The following PCSK5 variants were observed in gnomAD, a reference collection of about 807,000 sequenced individuals.
PCSK5 encodes proprotein convertase subtilisin/kexin type 5.
PCSK5 carries 129 observed loss-of-function variants against 233.2 expected under a neutral mutation model. The observed-to-expected ratio is 0.55, with a 90% CI of 0.48 to 0.64. PCSK5 has a LOEUF of 0.64. Ranked by LOEUF, PCSK5 falls within the 30% of genes least tolerant of loss-of-function variation. The pLI, the probability that PCSK5 is intolerant of heterozygous loss-of-function variation, is 0.00. For missense variants in PCSK5, 2,076 were observed against 2,430.1 expected (o/e 0.85, Z 3.06); for synonymous variants, 825 against 879.2 (o/e 0.94, Z 1.09).
Position 76,051,103 on chromosome 9 carries a change from C to A in PCSK5, c.633-16852C>A, listed in dbSNP as rs534344187. Among the ~76,000 whole-genome samples, 5 of 152,314 alleles carry A rather than the reference C, an allele frequency of 3.3e-5. No homozygotes were observed. The East Asian group carries it at 9.7e-4, about 29-fold the overall frequency. ...CCTCAGAAGCCCAATGCTAAGACTT[C>A]ATCATTTATCTGTAGTCCTGGTCAC... On this transcript the variant is annotated intron_variant, in intron 5 of 37. Transcript: ENST00000674117.
At chr9:76,065,771 G>A (rs1332672574) in intron 5 of PCSK5, among the ~76,000 whole-genome samples, 2 of 151,964 alleles carry the variant, frequency 1.3e-5, no homozygotes, top group African/African-American at 4.8e-5. Context: ...TTTCCTTCTA[G>A]TAGTTTCATA....
chr9:76,086,910 TC>T (rs1221985515), intron 7 of PCSK5, among the ~76,000 whole-genome samples: 18 of 152,342 alleles, frequency 1.2e-4, no homozygotes, highest in African/African-American at 2.6e-4. Flanking sequence ...TATTTGAAGT[TC>T]CTGAATATAC....
At chr9:76,234,476 T>G (rs1332653067) in intron 22 of PCSK5, among the ~76,000 whole-genome samples, 1 of 152,304 alleles carries the variant, frequency 6.6e-6, no homozygotes, top group East Asian at 1.9e-4. Context: ...TATTGATCTT[T>G]ATTCTTCCTT....
intron 1 of PCSK5, 148 bp downstream of exon 1, chr9:75,891,521 G>T (rs1332835726): frequency 1.9e-6 from 1 of 536,984 alleles, no homozygotes. Flanking sequence ...TCCTGCGCGC[G>T]CGCGCGTACG....
chr9:76,121,760 C>T (rs1468888932), intron 9 of PCSK5, among the ~76,000 whole-genome samples: 2 of 151,640 alleles, frequency 1.3e-5, no homozygotes, highest in Non-Finnish European at 2.9e-5. Flanking sequence ...GCCTCAAAGC[C>T]ATTTTTAGAA....
Position 75,891,046 on chromosome 9 carries a change from T to TGCC in PCSK5, c.-134_-132dup. On this transcript the variant is annotated 5_prime_UTR_variant, in exon 1 of 38. Transcript: ENST00000674117. ...CTCCCTGCCGGGGCTAGCCGCCTCC[T>TGCC]GCCGATCGCCCGGGGCTGCGAGCTG... 1.6e-6 allele frequency: 1 copy of TGCC among 612,666 alleles called. No individual in the cohort carries two copies. Among genetic ancestry groups the TGCC allele is most frequent in the Non-Finnish European group, 2.4e-6 (1 of 411,090 alleles). 38.0% of individuals were successfully genotyped at this position (612,666 alleles called of 1,614,324 possible).
At chr9:75,977,636 A>T (rs1037508523) in intron 2 of PCSK5, among the ~76,000 whole-genome samples, 1 of 150,414 alleles carries the variant, frequency 6.6e-6, no homozygotes, top group Non-Finnish European at 1.5e-5. Flanking sequence ...TTTAAGACAG[A>T]GTCTCACTCT....
chr9:76,193,792 A>G (rs1372066418), intron 20 of PCSK5: 2 of 155,132 alleles, frequency 1.3e-5, no homozygotes, highest in Non-Finnish European at 2.9e-5. Flanking sequence ...CATAGACAAA[A>G]ATGAAATAGA....
At chr9:76,139,310 G>C (rs1482924652) in intron 10 of PCSK5, among the ~76,000 whole-genome samples, 1 of 151,980 alleles carries the variant, frequency 6.6e-6, no homozygotes, top group Non-Finnish European at 1.5e-5. Flanking sequence ...CATTTGAAAG[G>C]GTAAAGTTTC....
At chr9:76,008,473 T>A (rs923851223) in intron 3 of PCSK5, among the ~76,000 whole-genome samples, 1 of 151,964 alleles carries the variant, frequency 6.6e-6, no homozygotes, top group African/African-American at 2.4e-5. Flanking sequence ...TTTGCCTTTT[T>A]TTTTTTGAGA....
chr9:76,096,790 A>G (rs1313145242), intron 8 of PCSK5, among the ~76,000 whole-genome samples: 3 of 152,036 alleles, frequency 2.0e-5, no homozygotes, highest in Non-Finnish European at 4.4e-5. Context: ...TAGTAGAGAC[A>G]GGGTTTCACC....
chr9:76,177,493 T>C (rs187221430), intron 14 of PCSK5, among the ~76,000 whole-genome samples: 17 of 152,328 alleles, frequency 1.1e-4, no homozygotes, highest in Admixed American at 1.0e-3. Context: ...CTAGAATCAA[T>C]AAACATGCTT....
At chr9:76,163,023 A>T (rs1822936196) in intron 12 of PCSK5, among the ~76,000 whole-genome samples, 1 of 152,092 alleles carries the variant, frequency 6.6e-6, no homozygotes, top group Non-Finnish European at 1.5e-5. Flanking sequence ...CAATGAAAAA[A>T]CCAGAGACCA....
intron 5 of PCSK5, among the ~76,000 whole-genome samples, chr9:76,045,768 A>G (rs1048519568): frequency 1.3e-5 from 2 of 152,154 alleles, no homozygotes; most frequent in Non-Finnish European, 2.9e-5. Flanking sequence ...TGCTATCCCT[A>G]TGGTGGGCAC....
chr9:76,129,871 A>G (rs910437330), intron 9 of PCSK5, among the ~76,000 whole-genome samples: 1 of 152,090 alleles, frequency 6.6e-6, no homozygotes, highest in African/African-American at 2.4e-5. Flanking sequence ...ATGTAATGCA[A>G]ATACTGGGTA....
chr9:76,041,433 C>A (rs988306614), intron 5 of PCSK5, among the ~76,000 whole-genome samples: 2 of 152,122 alleles, frequency 1.3e-5, no homozygotes, highest in Non-Finnish European at 2.9e-5. Context: ...TCTTGTTAAG[C>A]CAGACATTTC....
chr9:76,331,477 C>T lies in PCSK5; in HGVS notation c.4571-956C>T, dbSNP rs551837594. 7.9e-5 allele frequency among the ~76,000 whole-genome samples: 12 copies of T among 152,144 alleles called. 1 individual carries two copies. Among genetic ancestry groups the T allele is most frequent in the Middle Eastern group, 6.8e-3 (2 of 294 alleles). On this transcript the variant is annotated intron_variant, in intron 33 of 37. Coordinates refer to ENST00000674117, the MANE Select transcript of PCSK5 (RefSeq NM_001372043.1). ...GGTCAGGAGATCGAGACCATCCTGG[C>T]TAAAACGGTGAAACCCCGTCTCTAC...
chr9:75,914,751 A>C (rs1564078655), intron 1 of PCSK5, among the ~76,000 whole-genome samples: 1 of 152,070 alleles, frequency 6.6e-6, no homozygotes, highest in Non-Finnish European at 1.5e-5. Flanking sequence ...CTTGCTAATA[A>C]TTTTTATATT....
intron 3 of PCSK5, among the ~76,000 whole-genome samples, chr9:75,988,233 T>C (rs909750457): frequency 1.3e-5 from 2 of 152,228 alleles, no homozygotes; most frequent in African/African-American, 4.8e-5. Flanking sequence ...TATTGAGCAC[T>C]TACTATGCAC....
Sources: gnomAD v4.1 joint callset for allele counts (sites outside exome capture counted in the v4.1 genomes callset) on GRCh38, gnomAD v4.1.1 for gene constraint, MANE v1.5 for transcripts, NCBI Gene and HGNC (gene_info 2026-07-23, HGNC 2026-07-21) for gene names.